The following CIT variants were observed in gnomAD, a reference collection of about 807,000 sequenced individuals.
The protein encoded by CIT is citron rho-interacting serine/threonine kinase.
A neutral mutation model predicts 272.7 loss-of-function variants in CIT; 79 were observed. That is an observed-to-expected ratio of 0.29 (90% CI 0.24 to 0.35). The LOEUF (loss-of-function observed/expected upper bound fraction) is 0.35. Ranked by LOEUF, CIT falls within the 10% of genes least tolerant of loss-of-function variation. The pLI is 1.00. For synonymous variants in CIT, 948 were observed against 995.6 expected (o/e 0.95, Z 0.90); for missense variants, 1,909 against 2,618.3 (o/e 0.73, Z 5.91).
chr12:119,820,486 G>A (rs1245222733), intron 9 of CIT, among the ~76,000 whole-genome samples: 4 of 152,128 alleles, frequency 2.6e-5, no homozygotes, highest in Admixed American at 1.3e-4. Context: ...GGAGGCGGAG[G>A]TTGCAGTGAG....
At position 119,875,959 on chromosome 12, in the gene CIT, G is replaced by C. The variant is rs944176208; in HGVS notation, c.96+114C>G. 8.9e-6 allele frequency: 6 copies of C among 671,640 alleles called. No homozygotes were observed. The African/African-American group carries it at 1.1e-4, about 12-fold the overall frequency. The allele number at this position is 671,640 out of a possible 1,614,324, so 41.6% of individuals were successfully genotyped here. ...GCTGAGATTGCACCACTGTACTCCA[G>C]CCTGAGAGACTGAGACTCTAAATAA... On this transcript the variant is annotated intron_variant, in intron 2 of 47. Coordinates refer to ENST00000392521, the MANE Select transcript of CIT (RefSeq NM_001206999.2).
At chr12:119,861,908 A>T (rs949400562) in intron 3 of CIT, among the ~76,000 whole-genome samples, 5 of 152,250 alleles carry the variant, frequency 3.3e-5, no homozygotes, top group Non-Finnish European at 5.9e-5. Flanking sequence ...AACATTAGGC[A>T]CATGTTAAAC....
chr12:119,793,632 G>A lies in CIT; in HGVS notation c.1296-8567C>T, dbSNP rs201522716. On this transcript the variant is annotated intron_variant, in intron 10 of 47. Coordinates refer to ENST00000392521, the MANE Select transcript of CIT (RefSeq NM_001206999.2). ...TACCCAAACATGCCTTCTGTTCATT[G>A]AGCACCCATAGGTTAGTGGCAGCCT... Among the ~76,000 whole-genome samples, 4 of 152,186 alleles carry A rather than the reference G, an allele frequency of 2.6e-5. No homozygotes were observed. The East Asian group carries it at 7.7e-4, about 29-fold the overall frequency.
intron 3 of CIT, among the ~76,000 whole-genome samples, chr12:119,868,845 A>T (rs1175915996): frequency 6.6e-6 from 1 of 152,170 alleles, no homozygotes; most frequent in Non-Finnish European, 1.5e-5. Flanking sequence ...GCCTAAATTC[A>T]GTCTTTGAAT....
At chr12:119,704,319 G>A in intron 41 of CIT, 44 bp downstream of exon 41, 3 of 1,555,412 alleles carry the variant, frequency 1.9e-6, no homozygotes, top group Non-Finnish European at 2.7e-6. Flanking sequence ...GAGAGAGCAG[G>A]ACTGGCTTTC....
chr12:119,830,758 A>G (rs1968561196), intron 7 of CIT, among the ~76,000 whole-genome samples: 1 of 152,194 alleles, frequency 6.6e-6, no homozygotes, highest in Admixed American at 6.5e-5. Context: ...ATCCCCCACA[A>G]CAAAGAATTA....
At chr12:119,765,574 A>G (rs557321286) in intron 19 of CIT, among the ~76,000 whole-genome samples, 8 of 149,182 alleles carry the variant, frequency 5.4e-5, no homozygotes, top group Non-Finnish European at 1.0e-4. Flanking sequence ...AGGTTCAAGC[A>G]ATTCTCCCAT....
chr12:119,775,110 T>C (rs1963610249), intron 16 of CIT, among the ~76,000 whole-genome samples: 2 of 151,684 alleles, frequency 1.3e-5, no homozygotes, highest in Non-Finnish European at 2.9e-5. Flanking sequence ...CCGTGTCTAT[T>C]AAAAATACAA....
intron 13 of CIT, among the ~76,000 whole-genome samples, chr12:119,779,199 G>A (rs1964064189): frequency 6.6e-6 from 1 of 152,014 alleles, no homozygotes; most frequent in South Asian, 2.1e-4. Context: ...CAGCCTGGGT[G>A]ACAGAGCAAG....
At chr12:119,860,115 G>A (rs1950292701) in intron 3 of CIT, among the ~76,000 whole-genome samples, 1 of 152,164 alleles carries the variant, frequency 6.6e-6, no homozygotes, top group South Asian at 2.1e-4. Flanking sequence ...ATCGCACTCA[G>A]CCTGCAACTG....
At chr12:119,758,452 G>T (rs969137947) in intron 21 of CIT, 139 bp downstream of exon 21, 1 of 652,126 alleles carries the variant, frequency 1.5e-6, no homozygotes, top group East Asian at 2.7e-5. Context: ...GCAAGATGAC[G>T]TAAGTATCTG....
intron 2 of CIT, among the ~76,000 whole-genome samples, chr12:119,872,678 C>A (rs1327215791): frequency 2.0e-5 from 3 of 152,164 alleles, no homozygotes; most frequent in African/African-American, 7.2e-5. Context: ...TGTGGTCAGC[C>A]TTTGGAGTCA....
At chr12:119,711,660 T>C (rs1957165289) in intron 37 of CIT, among the ~76,000 whole-genome samples, 1 of 152,142 alleles carries the variant, frequency 6.6e-6, no homozygotes, top group South Asian at 2.1e-4. Flanking sequence ...CCCATTCTTT[T>C]TCCTTTGCTT....
intron 3 of CIT, among the ~76,000 whole-genome samples, chr12:119,867,187 C>A (rs1216827000): frequency 6.6e-6 from 1 of 151,406 alleles, no homozygotes; most frequent in African/African-American, 2.4e-5. Context: ...AGAGGTAATA[C>A]AATAACTTTT....
intron 24 of CIT, among the ~76,000 whole-genome samples, chr12:119,738,820 T>C (rs1593539356): frequency 6.7e-6 from 1 of 149,830 alleles, no homozygotes; most frequent in African/African-American, 2.5e-5. Context: ...GAGGCGGAGG[T>C]TGTGGTGAGC....
chr12:119,865,865 A>C (rs1257334516), intron 3 of CIT, among the ~76,000 whole-genome samples: 1 of 10,010 alleles, frequency 1.0e-4, no homozygotes. Flanking sequence ...GCAAGACTCC[A>C]AAAAAAAAAA....
intron 24 of CIT, 66 bp downstream of exon 24, chr12:119,742,345 G>T: frequency 8.8e-7 from 1 of 1,139,722 alleles, no homozygotes; most frequent in South Asian, 1.6e-5. Flanking sequence ...TTAAAGAGAC[G>T]TCCCCTTTTC....
At chr12:119,785,174 T>C in intron 10 of CIT, 109 bp from the exon 11 acceptor site, 2 of 1,200,494 alleles carry the variant, frequency 1.7e-6, no homozygotes, top group Non-Finnish European at 2.3e-6. Flanking sequence ...ATGCTCTTGA[T>C]GTTAGGTCAA....
chr12:119,851,447 C>T (rs1295639514), intron 4 of CIT, among the ~76,000 whole-genome samples: 1 of 152,126 alleles, frequency 6.6e-6, no homozygotes, highest in Non-Finnish European at 1.5e-5. Flanking sequence ...GCACAGGGCT[C>T]CTCTGAGAAA....
Sources: allele counts gnomAD v4.1 joint callset (sites outside exome capture counted in the v4.1 genomes callset), GRCh38; gene constraint gnomAD v4.1.1; transcripts MANE v1.5; gene names NCBI Gene and HGNC (gene_info 2026-07-23, HGNC 2026-07-21).